ADAM10: variants seen among roughly 807,000 people sequenced by gnomAD.
ADAM10 encodes ADAM metallopeptidase domain 10, also known as disintegrin and metalloproteinase domain-containing protein 10.
ADAM10 carries 17 observed loss-of-function variants against 90.1 expected under a neutral mutation model. The observed-to-expected ratio is 0.19, with a 90% CI of 0.13 to 0.28. The LOEUF (loss-of-function observed/expected upper bound fraction) is 0.28, where lower values mean the gene tolerates loss of function less well. Ranked by LOEUF, ADAM10 falls within the 10% of genes least tolerant of loss-of-function variation. ADAM10 has a pLI of 1.00. For synonymous variants in ADAM10, 310 were observed against 298.6 expected (o/e 1.04, Z -0.40); for missense variants, 610 against 914.3 (o/e 0.67, Z 4.29).
At chr15:58,680,663 T>G (rs1324389522) in intron 3 of ADAM10, among the ~76,000 whole-genome samples, 1 of 152,168 alleles carries the variant, frequency 6.6e-6, no homozygotes. Context: ...GGAGAGGGCT[T>G]TAAACCTTGA....
At chr15:58,608,593 CACTT>C (rs1362728332) in intron 14 of ADAM10, among the ~76,000 whole-genome samples, 1 of 152,150 alleles carries the variant, frequency 6.6e-6, no homozygotes, top group Non-Finnish European at 1.5e-5. Flanking sequence ...ATCCCACACA[CACTT>C]AAAGTCAACG....
chr15:58,687,787 G>A (rs1468726338), intron 2 of ADAM10, among the ~76,000 whole-genome samples: 3 of 152,106 alleles, frequency 2.0e-5, no homozygotes, highest in Non-Finnish European at 4.4e-5. Context: ...TATGCTGAGT[G>A]GAAAAGTCAA....
intron 4 of ADAM10, among the ~76,000 whole-genome samples, chr15:58,673,516 T>C (rs1026288054): frequency 6.6e-6 from 1 of 151,724 alleles, no homozygotes; most frequent in African/African-American, 2.4e-5. Context: ...AAATATTTTA[T>C]ATTGATGTTT....
chr15:58,692,507 T>C (rs2140775085), intron 2 of ADAM10: 1 of 518,446 alleles, frequency 1.9e-6, no homozygotes, highest in African/African-American at 1.9e-5. Context: ...TTCTCACCTT[T>C]CTCTTCCTCA....
At chr15:58,653,731 T>G (rs950287084) in intron 5 of ADAM10, among the ~76,000 whole-genome samples, 1 of 152,194 alleles carries the variant, frequency 6.6e-6, no homozygotes, top group Non-Finnish European at 1.5e-5. Context: ...CCTCCTAGAA[T>G]GAGTTTGAAG....
rs766149223 is a variant in ADAM10, at chr15:58,593,149, A to ATTTTTTTTTTTTTTTTTTTT, written c.*4378_*4397dup. On this transcript the variant is annotated 3_prime_UTR_variant, in exon 16 of 16. Transcript: ENST00000260408. ...AAAGTAACAAAGGCCAGGTACTCAAATTTTTTTTTTTTTTTTTTTTTTTTT... is the reference window on the plus strand; with the variant it reads ...AAAGTAACAAAGGCCAGGTACTCAAATTTTTTTTTTTTTTTTTTTTTTTTTTTTTTTTTTTTTTTTTTTTT... 4.4e-5 allele frequency: 3 copies of ATTTTTTTTTTTTTTTTTTTT among 68,466 alleles called. 1 individual carries two copies. The highest frequency in any genetic ancestry group is 8.3e-5 in the Non-Finnish European group (3 of 36,234). 4.2% of individuals were successfully genotyped at this position (68,466 alleles called of 1,614,324 possible).
intron 10 of ADAM10, among the ~76,000 whole-genome samples, chr15:58,622,210 A>G (rs545680675): frequency 6.6e-6 from 1 of 152,304 alleles, no homozygotes; most frequent in South Asian, 2.1e-4. Context: ...ACTATGACAT[A>G]AAGTTTTTTT....
chr15:58,741,107 A>T (rs917238315), intron 1 of ADAM10, among the ~76,000 whole-genome samples: 1 of 152,220 alleles, frequency 6.6e-6, no homozygotes, highest in African/African-American at 2.4e-5. Flanking sequence ...GCTAAATTCA[A>T]AGTTCAAATG....
intron 14 of ADAM10, among the ~76,000 whole-genome samples, chr15:58,605,348 G>C (rs1017906076): frequency 2.6e-5 from 4 of 152,162 alleles, no homozygotes; most frequent in East Asian, 1.9e-4. Context: ...TTAGCGTGTG[G>C]GGAAATGGAA....
intron 5 of ADAM10, chr15:58,655,476 CA>C (rs1436572826): frequency 1.3e-5 from 2 of 151,350 alleles, no homozygotes; most frequent in Admixed American, 6.6e-5. Flanking sequence ...CTCACTATCA[CA>C]AAAACAGCAC....
intron 1 of ADAM10, among the ~76,000 whole-genome samples, chr15:58,725,460 C>T (rs1485379376): frequency 1.3e-5 from 2 of 150,354 alleles, no homozygotes; most frequent in South Asian, 2.1e-4. Context: ...GCAGGAGGTT[C>T]GCTTGAGCCC....
At chr15:58,631,722 G>T (rs1230176219) in intron 9 of ADAM10, among the ~76,000 whole-genome samples, 2 of 152,154 alleles carry the variant, frequency 1.3e-5, no homozygotes, top group African/African-American at 4.8e-5. Flanking sequence ...GATGACTTGG[G>T]GAGAAGAGAG....
At chr15:58,612,492 T>C (rs1309560542) in intron 11 of ADAM10, among the ~76,000 whole-genome samples, 1 of 152,148 alleles carries the variant, frequency 6.6e-6, no homozygotes, top group Non-Finnish European at 1.5e-5. Context: ...ACAGTAGTCA[T>C]CACTGTGCTG....
chr15:58,661,609 T>C (rs1896968858), intron 5 of ADAM10, among the ~76,000 whole-genome samples: 1 of 152,154 alleles, frequency 6.6e-6, no homozygotes. Context: ...ATAATTTAAT[T>C]GTAACATACC....
At chr15:58,648,650 T>C (rs1296124067) in intron 5 of ADAM10, among the ~76,000 whole-genome samples, 1 of 152,176 alleles carries the variant, frequency 6.6e-6, no homozygotes, top group Non-Finnish European at 1.5e-5. Context: ...CTCTCCCATA[T>C]CTTCACTGGG....
intron 5 of ADAM10, among the ~76,000 whole-genome samples, chr15:58,662,345 T>G (rs1454946384): frequency 6.6e-6 from 1 of 152,120 alleles, no homozygotes; most frequent in Non-Finnish European, 1.5e-5. Flanking sequence ...AAGTGTAATT[T>G]TTTTAGAGAC....
Position 58,665,181 on chromosome 15 carries a change from G to C in ADAM10, c.501C>G (p.Tyr167Ter). 1 of 1,610,640 alleles carries C rather than the reference G, an allele frequency of 6.2e-7. No individual in the cohort carries two copies. The change falls in exon 5 of 16, where the codon TAC (tyrosine) becomes TAG (stop). Residue 167 changes from tyrosine to a stop codon, truncating the protein, a stop_gained. Transcript: ENST00000260408. LOFTEE classifies it high-confidence loss of function. ...HEDDINYPHK[Y>*]GPQGGCADHS... is the part of the protein sequence containing the mutation. ...GATCTGCACAGCCCCCCTGAGGACC[G>C]TATTTATGGGGATAGTCTAAAATAC...
chr15:58,700,860 A>T (rs1898111682), intron 2 of ADAM10, among the ~76,000 whole-genome samples: 1 of 151,390 alleles, frequency 6.6e-6, no homozygotes, highest in Non-Finnish European at 1.5e-5. Flanking sequence ...AAAAAAATGT[A>T]AAAAAAACAG....
In ADAM10 at chr15:58,679,113, TA is replaced by T. The variant is rs1286273143; in HGVS notation, c.484+10del. ...TTGAAAAAGGCTACTTGATAAAACT[TA>T]AGTACTTACTAATATCATCTTCATG... On this transcript the variant is annotated intron_variant, in intron 4 of 15. Transcript: ENST00000260408. 1.9e-6 allele frequency: 3 copies of T among 1,612,028 alleles called. No individual in the cohort carries two copies. Among genetic ancestry groups the T allele is most frequent in the Non-Finnish European group, 2.5e-6 (3 of 1,178,944 alleles).
Sources: allele counts gnomAD v4.1 joint callset (sites outside exome capture counted in the v4.1 genomes callset), GRCh38; gene constraint gnomAD v4.1.1; transcripts MANE v1.5; gene names NCBI Gene and HGNC (gene_info 2026-07-23, HGNC 2026-07-21).